Variants in HNRNPUL1 observed in about 807,000 individuals in gnomAD.
HNRNPUL1 encodes heterogeneous nuclear ribonucleoprotein U like 1.
A neutral mutation model predicts 108.5 loss-of-function variants in HNRNPUL1; 14 were observed. That is an observed-to-expected ratio of 0.13 (90% CI 0.09 to 0.20). The LOEUF (loss-of-function observed/expected upper bound fraction) is 0.20, where lower values mean the gene tolerates loss of function less well. Among genes scored for constraint, HNRNPUL1 ranks in the 10% least tolerant of loss-of-function variants. The pLI, the probability that HNRNPUL1 is intolerant of heterozygous loss-of-function variation, is 1.00. For synonymous variants in HNRNPUL1, 422 were observed against 445.2 expected (o/e 0.95, Z 0.66); for missense variants, 804 against 1,168.3 (o/e 0.69, Z 4.55).
At position 41,304,128 on chromosome 19, in the gene HNRNPUL1, A is replaced by G. The variant is rs756376502; in HGVS notation, c.2129A>G (p.Gln710Arg). The stretch of plus-strand genomic sequence containing the variant: ...CCGCCACCACAGCCACCACCCCAGC[A>G]GCCACCGCCACCACCCAGCTACAGC... ...QPPPPQPPPQ[Q>R]PPPPPSYSPA... Residue 710 changes from glutamine to arginine, a missense_variant, in exon 13 of 15, where the codon CAG (glutamine) becomes CGG (arginine). Around this residue, in one of 4 missense-constraint regions of HNRNPUL1, gnomAD observed 294 missense variants for 388.3 expected, o/e 0.76. Coordinates refer to ENST00000392006, the MANE Select transcript of HNRNPUL1 (RefSeq NM_007040.6). 6.2e-7 allele frequency: 1 copy of G among 1,614,002 alleles called. No individual in the cohort carries two copies. The highest frequency in any genetic ancestry group is 2.2e-5 in the East Asian group (1 of 44,870).
At chr19:41,289,274 T>C (rs2036440130) in intron 7 of HNRNPUL1, among the ~76,000 whole-genome samples, 1 of 151,904 alleles carries the variant, frequency 6.6e-6, no homozygotes, top group African/African-American at 2.4e-5. Context: ...TTGGTGGGGG[T>C]GTAAAAATCA....
chr19:41,284,276 A>G lies in HNRNPUL1; in HGVS notation c.999+3001A>G, dbSNP rs565100340. On this transcript the variant is annotated intron_variant, in intron 7 of 14. Transcript: ENST00000392006. The stretch of plus-strand genomic sequence containing the variant: ...CCTGCCATTTCAAGATTAATCCAGC[A>G]TAAGGACCACTGTAAACGAAAAAAA... Among the ~76,000 whole-genome samples, 3 of 151,818 alleles carry G rather than the reference A, an allele frequency of 2.0e-5. No homozygotes were observed. In the East Asian group the frequency reaches 5.8e-4, roughly 29 times the overall value.
chr19:41,263,185 C>A (rs1300392220), upstream of HNRNPUL1, among the ~76,000 whole-genome samples: 1 of 151,964 alleles, frequency 6.6e-6, no homozygotes, highest in Non-Finnish European at 1.5e-5. Context: ...ACGTGTGGCT[C>A]AGGAGGCAGT....
chr19:41,286,558 C>G (rs192404337), intron 7 of HNRNPUL1: 30 of 152,236 alleles, frequency 2.0e-4, no homozygotes, highest in African/African-American at 7.2e-4. Context: ...GTCCCTAACT[C>G]CCAGGAGGTC....
chr19:41,277,569 C>T (rs188356615), intron 5 of HNRNPUL1, among the ~76,000 whole-genome samples: 68 of 152,260 alleles, frequency 4.5e-4, no homozygotes, highest in African/African-American at 1.6e-3. Flanking sequence ...TGCAGTGGCG[C>T]GATCTCGGCT....
chr19:41,295,909 C>T (rs2036864902), intron 10 of HNRNPUL1, among the ~76,000 whole-genome samples: 1 of 152,234 alleles, frequency 6.6e-6, no homozygotes, highest in Admixed American at 6.5e-5. Flanking sequence ...GTTATCCCCC[C>T]AGCTCATATT....
chr19:41,264,737 A>C lies in HNRNPUL1; in HGVS notation c.234A>C (p.Pro78=). The C allele has an allele frequency of 2.1e-6, 3 of 1,406,690 alleles. No individual in the cohort carries two copies. Among genetic ancestry groups the C allele is most frequent in the Non-Finnish European group, 2.8e-6 (3 of 1,083,660 alleles). The allele number at this position is 1,406,690 out of a possible 1,614,324, so 87.1% of individuals were successfully genotyped here. A position where few individuals can be genotyped will look rare whatever the true frequency, so the allele number is the denominator to read the frequency against. Residue 78 remains proline, a synonymous_variant, in exon 1 of 15, where the codon CCA becomes CCC. Coordinates refer to ENST00000392006, the MANE Select transcript of HNRNPUL1 (RefSeq NM_007040.6). ...CCGAGCTGGAGGGGACCGCGCAGCC[A>C]CCGCCGCCCGGGCTGCAGCCGCACG... ...GGSELEGTAQ[P]PPPGLQPHAE... is the part of the protein sequence containing the mutation.
chr19:41,305,486 C>G (rs1428394159), intron 13 of HNRNPUL1, among the ~76,000 whole-genome samples, 190 bp from the exon 14 acceptor site: 1 of 152,206 alleles, frequency 6.6e-6, no homozygotes, highest in Admixed American at 6.5e-5. Context: ...TGGGGCTTGC[C>G]CTTCATCCTG....
Position 41,294,526 on chromosome 19 carries a change from A to G in HNRNPUL1, c.1390-32A>G. The G allele has an allele frequency of 3.1e-6, 5 of 1,613,570 alleles. No individual in the cohort carries two copies. Among genetic ancestry groups the G allele is most frequent in the Non-Finnish European group, 4.2e-6 (5 of 1,179,574 alleles). ...TACTGAGTGCTGCCCTGCAACTAAA[A>G]TCACTCACCCCTCACCAATTCCTGC... On this transcript the variant is annotated intron_variant, in intron 9 of 14. Coordinates refer to ENST00000392006, the MANE Select transcript of HNRNPUL1 (RefSeq NM_007040.6). The surrounding 1 kb of genome is among the most constrained non-coding windows in gnomAD (Gnocchi z 4.3).
chr19:41,265,395 G>T, intron 1 of HNRNPUL1: 1 of 1,505,312 alleles, frequency 6.6e-7, no homozygotes, highest in Non-Finnish European at 8.8e-7. Flanking sequence ...GGCTGGGGAG[G>T]GTCCTAATGG....
Position 41,264,991 on chromosome 19 carries a change from G to T in HNRNPUL1, c.295+193G>T, listed in dbSNP as rs575450094. On this transcript the variant is annotated intron_variant, in intron 1 of 14. Coordinates refer to ENST00000392006, the MANE Select transcript of HNRNPUL1 (RefSeq NM_007040.6). ...AGGGTGGATCCTGACACTCAGTGCA[G>T]GGGGGACACTGGGGGAGGGGCCTCT... 1.1e-4 allele frequency: 160 copies of T among 1,395,138 alleles called. No individual in the cohort carries two copies. In the African/African-American group the frequency reaches 2.2e-3, roughly 19 times the overall value. 86.4% of individuals were successfully genotyped at this position (1,395,138 alleles called of 1,614,324 possible). A position where few individuals can be genotyped will look rare whatever the true frequency, so the allele number is the denominator to read the frequency against.
intron 3 of HNRNPUL1, among the ~76,000 whole-genome samples, chr19:41,272,668 C>G (rs966800366): frequency 6.6e-6 from 1 of 152,212 alleles, no homozygotes; most frequent in Non-Finnish European, 1.5e-5. Flanking sequence ...TGGACACTAG[C>G]AACATACAGA....
intron 11 of HNRNPUL1, 40 bp downstream of exon 11, chr19:41,301,744 G>T (rs1337326431): frequency 5.2e-6 from 8 of 1,538,196 alleles, no homozygotes; most frequent in Non-Finnish European, 7.0e-6. Flanking sequence ...TCAATGCAGG[G>T]TCCTGGAGAG....
rs1487130257 is a variant in HNRNPUL1 at position 41,264,754 on chromosome 19, A to G, written c.251A>G (p.Gln84Arg). 1 of 1,387,646 alleles carries G rather than the reference A, an allele frequency of 7.2e-7. No homozygotes were observed. The highest frequency in any genetic ancestry group is 9.3e-7 in the Non-Finnish European group (1 of 1,075,040). 86.0% of individuals were successfully genotyped at this position (1,387,646 alleles called of 1,614,324 possible). Reference sequence around the variant, plus strand: ...GCGCAGCCACCGCCGCCCGGGCTGCAGCCGCACGCGGAGCCCGGCGGCTAC... The same window carrying G: ...GCGCAGCCACCGCCGCCCGGGCTGCGGCCGCACGCGGAGCCCGGCGGCTAC... ...GTAQPPPPGLQPHAEPGGYSG... is the reference protein window; with the variant it reads ...GTAQPPPPGLRPHAEPGGYSG... Residue 84 changes from glutamine (Q) to arginine (R), a missense_variant, in exon 1 of 15, where the codon CAG (glutamine) becomes CGG (arginine). Gln to Arg is a conservative substitution (Grantham distance 43, BLOSUM62 1). This residue lies in a region of HNRNPUL1 where 256 missense variants were observed against 261.6 expected (regional missense o/e 0.98). Coordinates refer to ENST00000392006, the MANE Select transcript of HNRNPUL1 (RefSeq NM_007040.6).
Position 41,285,080 on chromosome 19 carries a change from G to A in HNRNPUL1, c.999+3805G>A, listed in dbSNP as rs2036145499. Among the ~76,000 whole-genome samples the A allele has an allele frequency of 2.6e-5, 4 of 151,146 alleles. No homozygotes were observed. The South Asian group carries it at 6.3e-4, about 24-fold the overall frequency. On this transcript the variant is annotated intron_variant, in intron 7 of 14. Coordinates refer to ENST00000392006, the MANE Select transcript of HNRNPUL1 (RefSeq NM_007040.6). The stretch of plus-strand genomic sequence containing the variant: ...TTATATATGACAACATAAAGCAAAA[G>A]AAAGGGGAAAGATCTAAAGCTGCTG...
At chr19:41,287,225 A>C (rs2036286671) in intron 7 of HNRNPUL1, among the ~76,000 whole-genome samples, 1 of 151,992 alleles carries the variant, frequency 6.6e-6, no homozygotes, top group South Asian at 2.1e-4. Context: ...CATGTTGGTC[A>C]GGCTAGCCTC....
intron 10 of HNRNPUL1, among the ~76,000 whole-genome samples, chr19:41,295,397 T>A (rs894637051): frequency 6.6e-6 from 1 of 152,208 alleles, no homozygotes; most frequent in African/African-American, 2.4e-5. Flanking sequence ...AAAAAACAGT[T>A]TTTTGTCCCT....
At chr19:41,269,350 C>T (rs2035065778) in intron 2 of HNRNPUL1, among the ~76,000 whole-genome samples, 1 of 151,724 alleles carries the variant, frequency 6.6e-6, no homozygotes. Context: ...ACTACATGCA[C>T]ACACCTATAG....
At chr19:41,272,005 A>G in intron 2 of HNRNPUL1, 77 bp from the exon 3 acceptor site, 1 of 1,520,468 alleles carries the variant, frequency 6.6e-7, no homozygotes. Flanking sequence ...CACATCTCTC[A>G]AGGGAAAAGG....
Sources: gnomAD v4.1 joint callset for allele counts (sites outside exome capture counted in the v4.1 genomes callset) on GRCh38, gnomAD v4.1.1 for gene constraint, gnomAD v4.1.1 regional missense constraint, Gnocchi (gnomAD v3.1) non-coding constraint, MANE v1.5 for transcripts, NCBI Gene and HGNC (gene_info 2026-07-23, HGNC 2026-07-21) for gene names.